Variants in SLC28A3 observed in about 807,000 individuals in gnomAD.
SLC28A3 encodes the protein concentrative Na(+)-nucleoside cotransporter 3.
In SLC28A3, 68 loss-of-function variants were observed where a neutral mutation model predicts 84.2. That is an observed-to-expected ratio of 0.81 (90% CI 0.66 to 0.99). The LOEUF is 0.99. Among genes scored for constraint, SLC28A3 ranks in the 50% least tolerant of loss-of-function variants. SLC28A3 has a pLI of 0.00. For missense variants in SLC28A3, 712 were observed against 841.5 expected, an observed-to-expected ratio of 0.85 and a Z score of 1.90; for synonymous variants, 267 against 303.6, an observed-to-expected ratio of 0.88 and a Z score of 1.25.
chr9:84,301,924 T>C (rs1588585833), intron 5 of SLC28A3, among the ~76,000 whole-genome samples: 1 of 152,312 alleles, frequency 6.6e-6, no homozygotes, highest in Admixed American at 6.5e-5. Flanking sequence ...GAACGTAATA[T>C]GCTCAACATC....
the SLC28A3 span, among the ~76,000 whole-genome samples, chr9:84,346,746 G>A: frequency 2.3e-4 from 35 of 152,168 alleles, 1 homozygote; most frequent in East Asian, 6.2e-3. Flanking sequence ...TTTTTTCCCT[G>A]ACATTTACAC....
At chr9:84,346,735 G>GT in the SLC28A3 span, among the ~76,000 whole-genome samples, 4 of 152,148 alleles carry the variant, frequency 2.6e-5, no homozygotes, top group Non-Finnish European at 4.4e-5. Context: ...TTGCAGTTAG[G>GT]TTTTTTCCCT....
intron 6 of SLC28A3, among the ~76,000 whole-genome samples, chr9:84,298,250 G>A (rs1825493289): frequency 1.3e-5 from 2 of 152,170 alleles, no homozygotes; most frequent in Admixed American, 1.3e-4. Context: ...ACTTTGGGAG[G>A]CCAAAATGGG....
At chr9:84,280,195 C>G in intron 15 of SLC28A3, 122 bp from the exon 16 acceptor site, 2 of 715,196 alleles carry the variant, frequency 2.8e-6, no homozygotes, top group Non-Finnish European at 4.4e-6. Flanking sequence ...TTTTCTTTAA[C>G]TTAGCTGGGA....
chr9:84,300,871 G>A (rs897981287), intron 5 of SLC28A3, among the ~76,000 whole-genome samples: 1 of 152,144 alleles, frequency 6.6e-6, no homozygotes, highest in Non-Finnish European at 1.5e-5. Flanking sequence ...AAGTAACAAG[G>A]AGAAAGGGGA....
chr9:84,328,992 A>T (rs1481135503), intron 1 of SLC28A3, among the ~76,000 whole-genome samples: 3 of 152,258 alleles, frequency 2.0e-5, no homozygotes, highest in East Asian at 1.9e-4. Flanking sequence ...TCTACAAGAG[A>T]CATACTTTAC....
At chr9:84,342,145 G>GA (rs10684482), upstream of SLC28A3, among the ~76,000 whole-genome samples, 29,367 of 128,128 alleles carry the variant, frequency 0.23, 4,691 homozygotes, top group African/African-American at 0.49. Flanking sequence ...AAAAAAAAAA[G>GA]AAAAGAAAAA....
chr9:84,361,299 C>T, the SLC28A3 span, among the ~76,000 whole-genome samples: 1 of 152,108 alleles, frequency 6.6e-6, no homozygotes, highest in South Asian at 2.1e-4. Flanking sequence ...GAGCCGAGAT[C>T]GCGCCATTGC....
rs927442476 is a variant in SLC28A3 at position 84,309,907 on chromosome 9, A to C, written c.157-193T>G. Among the ~76,000 whole-genome samples, 8 of 152,186 alleles carry C rather than the reference A, an allele frequency of 5.3e-5. No homozygotes were observed. The East Asian group carries it at 1.3e-3, about 26-fold the overall frequency. On this transcript the variant is annotated intron_variant, in intron 2 of 17. Coordinates refer to ENST00000376238, the MANE Select transcript of SLC28A3 (RefSeq NM_001199633.2). ...CTTATAATCTCACACAAAAAATGCC[A>C]GGTTCATACTGAACTCTTCCTTTCC...
Position 84,278,180 on chromosome 9 carries a change from A to G in SLC28A3, c.*38T>C, listed in dbSNP as rs1341432509. ...TTCTTTCCAAAGCAGAAAATTCAGCATCTGTACTTCAGAGTTCCACTGGAG... is the reference window on the plus strand; with the variant it reads ...TTCTTTCCAAAGCAGAAAATTCAGCGTCTGTACTTCAGAGTTCCACTGGAG... On this transcript the variant is annotated 3_prime_UTR_variant, in exon 18 of 18. Transcript: ENST00000376238. 4 of 1,591,346 alleles carry G rather than the reference A, an allele frequency of 2.5e-6. No homozygotes were observed. The highest frequency in any genetic ancestry group is 1.7e-4 in the Middle Eastern group (1 of 5,938).
At chr9:84,355,625 A>G in the SLC28A3 span, among the ~76,000 whole-genome samples, 3 of 151,938 alleles carry the variant, frequency 2.0e-5, no homozygotes, top group African/African-American at 7.3e-5. Flanking sequence ...CCTGGTTCTA[A>G]TCCTAATTCC....
intron 1 of SLC28A3, among the ~76,000 whole-genome samples, chr9:84,325,848 T>C (rs2118540698): frequency 6.6e-6 from 1 of 152,310 alleles, no homozygotes; most frequent in Non-Finnish European, 1.5e-5. Context: ...GAAATCTCTA[T>C]CTCCATTTTA....
the SLC28A3 span, among the ~76,000 whole-genome samples, chr9:84,353,721 A>G: frequency 6.6e-6 from 1 of 152,174 alleles, no homozygotes; most frequent in African/African-American, 2.4e-5. Context: ...AAAAACAAAA[A>G]TTATAAACAG....
At chr9:84,340,281 C>T (rs925353859) in intron 1 of SLC28A3, among the ~76,000 whole-genome samples, 2 of 152,062 alleles carry the variant, frequency 1.3e-5, no homozygotes, top group African/African-American at 4.8e-5. Flanking sequence ...GGAAAAGTGC[C>T]TGAAGATAAA....
the SLC28A3 span, among the ~76,000 whole-genome samples, chr9:84,362,351 G>T: frequency 6.6e-6 from 1 of 152,212 alleles, no homozygotes; most frequent in Admixed American, 6.5e-5. Flanking sequence ...TTAGGACTTG[G>T]CCAGGCGTTG....
chr9:84,290,351 C>T (rs1825165830), intron 10 of SLC28A3, 72 bp from the exon 11 acceptor site: 8 of 1,565,840 alleles, frequency 5.1e-6, no homozygotes, highest in Non-Finnish European at 7.0e-6. Flanking sequence ...TGCCAATCTA[C>T]TCACAATTTT....
intron 1 of SLC28A3, among the ~76,000 whole-genome samples, chr9:84,330,861 G>A (rs1016197827): frequency 1.3e-5 from 2 of 152,072 alleles, no homozygotes; most frequent in Non-Finnish European, 2.9e-5. Context: ...TTTTTAATGG[G>A]CTTGCAGAAA....
chr9:84,297,253 C>T lies in SLC28A3; in HGVS notation c.829G>A (p.Glu277Lys), dbSNP rs1588579758. Residue 277 changes from glutamate to lysine, a missense_variant, in exon 8 of 18, where the codon GAG (glutamate) becomes AAG (lysine). By Grantham distance (56) the Glu-to-Lys change is moderately conservative (BLOSUM62 1). Coordinates refer to ENST00000376238, the MANE Select transcript of SLC28A3 (RefSeq NM_001199633.2). ...TDAGASFVFG[E>K]KYKDHFFAFK... ...GCAAAGAAGTGGTCTTTGTATTTCT[C>T]ACCAAAGACAAATGAAGCACCAGCA... 2 of 1,613,484 alleles carry T rather than the reference C, an allele frequency of 1.2e-6. No individual in the cohort carries two copies. Among genetic ancestry groups the T allele is most frequent in the Admixed American group, 3.3e-5 (2 of 59,946 alleles).
At chr9:84,302,716 C>T (rs376625976) in intron 4 of SLC28A3, among the ~76,000 whole-genome samples, 18 of 152,198 alleles carry the variant, frequency 1.2e-4, no homozygotes, top group African/African-American at 3.6e-4. Flanking sequence ...CATTCAGTCT[C>T]GGCAGGTGAG....
Sources: gnomAD v4.1 joint callset for allele counts (sites outside exome capture counted in the v4.1 genomes callset) on GRCh38, gnomAD v4.1.1 for gene constraint, MANE v1.5 for transcripts, NCBI Gene and HGNC (gene_info 2026-07-23, HGNC 2026-07-21) for gene names.